Variants in STRIP1 observed in about 807,000 individuals in gnomAD.
STRIP1 encodes striatin interacting protein 1, also known as striatin-interacting protein 1.
In STRIP1, 63 loss-of-function variants were observed where a neutral mutation model predicts 106.2. The ratio of observed to expected loss-of-function variants is 0.59; its 90% CI spans 0.48 to 0.73. The LOEUF is 0.73. Ranked by LOEUF, STRIP1 falls within the 30% of genes least tolerant of loss-of-function variation. STRIP1 has a pLI of 0.00. For synonymous variants in STRIP1, 390 were observed against 413.0 expected, an observed-to-expected ratio of 0.94 and a Z score of 0.67; for missense variants, 857 against 1,074.8, an observed-to-expected ratio of 0.80 and a Z score of 2.83.
At chr1:110,037,834 G>A (rs781724034) in intron 1 of STRIP1, 57 bp from the exon 2 acceptor site, 2 of 1,233,710 alleles carry the variant, frequency 1.6e-6, no homozygotes, top group Non-Finnish European at 2.4e-6. Flanking sequence ...CGAAGCATGA[G>A]TTTCTTTGAT....
At chr1:110,041,432 T>C in intron 6 of STRIP1, 104 bp from the exon 7 acceptor site, 1 of 725,958 alleles carries the variant, frequency 1.4e-6, no homozygotes, top group Non-Finnish European at 2.4e-6. Context: ...CAGATACCAT[T>C]TATTAATAGT....
chr1:110,041,888 C>T (rs775657111), intron 8 of STRIP1, 27 bp downstream of exon 8: 8 of 1,611,560 alleles, frequency 5.0e-6, no homozygotes, highest in African/African-American at 2.7e-5. Flanking sequence ...AGGAGGAGAA[C>T]GGTGCTATGG....
In STRIP1 at chr1:110,050,316, G is replaced by A. The variant is rs201602689; in HGVS notation, c.1890-27G>A. On this transcript the variant is annotated intron_variant, in intron 17 of 20. Transcript: ENST00000369795. Reference sequence around the variant, plus strand: ...AGGCCCTGGGCCTTTGCTCATGGTGGGCATCTGGTTCCTCTCCCCTCTGCA... The same window carrying A: ...AGGCCCTGGGCCTTTGCTCATGGTGAGCATCTGGTTCCTCTCCCCTCTGCA... The A allele has an allele frequency of 8.3e-4, 1,342 of 1,612,902 alleles. 2 individuals carry two copies. The highest frequency in any genetic ancestry group is 1.0e-3 in the Non-Finnish European group (1,231 of 1,179,050).
intron 1 of STRIP1, 38 bp from the exon 2 acceptor site, chr1:110,037,853 T>A: frequency 1.4e-6 from 2 of 1,417,592 alleles, no homozygotes; most frequent in Non-Finnish European, 2.0e-6. Context: ...ATAAATAGAA[T>A]GATCCTTTTT....
At chr1:110,044,803 A>G (rs763342643) in intron 10 of STRIP1, 37 bp from the exon 11 acceptor site, 1 of 1,608,498 alleles carries the variant, frequency 6.2e-7, no homozygotes, top group Admixed American at 1.7e-5. Context: ...TTTGCTAAAA[A>G]CCTTTTTTCT....
At chr1:110,050,815 C>T (rs1193249913) in intron 18 of STRIP1, 141 bp from the exon 19 acceptor site, 4 of 636,868 alleles carry the variant, frequency 6.3e-6, no homozygotes, top group Non-Finnish European at 1.1e-5. Flanking sequence ...GGGATGGAGT[C>T]CTGGGGCTGC....
Position 110,051,704 on chromosome 1 carries a change from G to GC in STRIP1, c.2088dup (p.Ile697HisfsTer60). 6.2e-7 allele frequency: 1 copy of GC among 1,608,780 alleles called. No individual in the cohort carries two copies. The highest frequency in any genetic ancestry group is 8.5e-7 in the Non-Finnish European group (1 of 1,177,822). ...CCAGATGCTGGTGGTGTTCAAGTCA[G>GC]CCCCCATCTTGAAGCGGGCCCTAAA... is the stretch of plus-strand genomic sequence containing the variant. On this transcript the variant is annotated frameshift_variant, in exon 20 of 21. Transcript: ENST00000369795. LOFTEE classifies it high-confidence loss of function.
rs1038365303 is a variant in STRIP1, at chr1:110,050,853, G to A, written c.1957-103G>A. ...TGAGAGCAGGGGATTCCTGGTAGAG[G>A]CCTGGAGACCCGGCTGTCCTGAGAT... is the stretch of plus-strand genomic sequence containing the variant. On this transcript the variant is annotated intron_variant, in intron 18 of 20. Coordinates refer to ENST00000369795, the MANE Select transcript of STRIP1 (RefSeq NM_033088.4). The A allele has an allele frequency of 5.5e-5, 39 of 711,182 alleles. No individual in the cohort carries two copies. In the African/African-American group the frequency reaches 6.3e-4, roughly 11 times the overall value. 44.1% of individuals were successfully genotyped at this position (711,182 alleles called of 1,614,324 possible).
At chr1:110,041,708 T>C (rs1394260608) in intron 7 of STRIP1, 26 bp from the exon 8 acceptor site, 2 of 1,613,982 alleles carry the variant, frequency 1.2e-6, no homozygotes, top group East Asian at 2.2e-5. Flanking sequence ...TTTGGGAGGG[T>C]CCTGATACCT....
chr1:110,041,827 A>G lies in STRIP1; in HGVS notation c.851A>G (p.Lys284Arg). ...GGTCACGCCCCTCACTTTCCCATGA[A>G]GAAAGTTCTCTTGCTGCTCTGGAAG... ...CSGHAPHFPM[K>R]KVLLLLWKTV... Residue 284 changes from lysine to arginine, a missense_variant, in exon 8 of 21, where the codon AAG becomes AGG. Lys to Arg is a conservative substitution (Grantham distance 26). This residue lies in a region of STRIP1 where 750 missense variants were observed against 989.8 expected (regional missense o/e 0.76). Coordinates refer to ENST00000369795, the MANE Select transcript of STRIP1 (RefSeq NM_033088.4). 6.2e-7 allele frequency: 1 copy of G among 1,614,192 alleles called. No homozygotes were observed. Among genetic ancestry groups the G allele is most frequent in the Non-Finnish European group, 8.5e-7 (1 of 1,180,038 alleles).
chr1:110,040,833 C>T (rs1652725613), intron 6 of STRIP1, 130 bp downstream of exon 6: 1 of 747,284 alleles, frequency 1.3e-6, no homozygotes, highest in Non-Finnish European at 2.1e-6. Flanking sequence ...GTGTGATGGG[C>T]TCAGTGTGAA....
chr1:110,039,170 A>T lies in STRIP1; in HGVS notation c.326-2A>T, dbSNP rs770098308. The stretch of plus-strand genomic sequence containing the variant: ...AGGTGTAACTGGTTTCTTGCCCTGC[A>T]GTGACAGACAAGAAGTGGACTGAGC... On this transcript the variant is annotated splice_acceptor_variant, in intron 3 of 20. Coordinates refer to ENST00000369795, the MANE Select transcript of STRIP1 (RefSeq NM_033088.4). LOFTEE classifies it high-confidence loss of function. 15 of 1,614,070 alleles carry T rather than the reference A, an allele frequency of 9.3e-6. No homozygotes were observed. In the South Asian group the frequency reaches 1.6e-4, roughly 18 times the overall value.
Position 110,039,246 on chromosome 1 carries a change from G to A in STRIP1, c.400G>A (p.Glu134Lys). 1 of 1,614,244 alleles carries A rather than the reference G, an allele frequency of 6.2e-7. No individual in the cohort carries two copies. Among genetic ancestry groups the A allele is most frequent in the Non-Finnish European group, 8.5e-7 (1 of 1,180,044 alleles). The part of the protein sequence containing the change: ...THAMRLLDGL[E>K]VTAREKRLKV... ...TGCCATGAGGCTCCTGGATGGCTTG[G>A]AAGTCACTGCCAGGGAGAAGAGACT... The change falls in exon 4 of 21, where the codon GAA (glutamate) becomes AAA (lysine). Residue 134 changes from glutamate to lysine, a missense_variant. This residue lies in a region of STRIP1 where 750 missense variants were observed against 989.8 expected (regional missense o/e 0.76). Coordinates refer to ENST00000369795, the MANE Select transcript of STRIP1 (RefSeq NM_033088.4).
At chr1:110,036,420 C>T (rs1316682036) in intron 1 of STRIP1, among the ~76,000 whole-genome samples, 2 of 152,134 alleles carry the variant, frequency 1.3e-5, no homozygotes, top group Non-Finnish European at 2.9e-5. Flanking sequence ...CACCATTGCA[C>T]TCCAGCCTGG....
intron 1 of STRIP1, among the ~76,000 whole-genome samples, chr1:110,036,971 G>A (rs1043799270): frequency 4.6e-5 from 7 of 151,946 alleles, no homozygotes; most frequent in Admixed American, 2.0e-4. Context: ...CTACAGGCAC[G>A]CCCCACCATG....
At chr1:110,048,919 A>G (rs191703119) in intron 15 of STRIP1, among the ~76,000 whole-genome samples, 193 bp from the exon 16 acceptor site, 6 of 152,298 alleles carry the variant, frequency 3.9e-5, no homozygotes, top group Admixed American at 3.9e-4. Context: ...ATGGGGAAGA[A>G]ATAAATTGTG....
At position 110,051,002 on chromosome 1, in the gene STRIP1, G is replaced by T. The variant is rs778472173; in HGVS notation, c.2003G>T (p.Cys668Phe). The T allele has an allele frequency of 1.9e-6, 3 of 1,614,088 alleles. 1 individual carries two copies. The South Asian group carries it at 3.3e-5, about 18-fold the overall frequency. The change falls in exon 19 of 21, where the codon TGT becomes TTT. Residue 668 changes from cysteine to phenylalanine, a missense_variant. Around this residue, in one of 2 missense-constraint regions of STRIP1, gnomAD observed 750 missense variants for 989.8 expected, o/e 0.76. Coordinates refer to ENST00000369795, the MANE Select transcript of STRIP1 (RefSeq NM_033088.4). ...NQFCWRNLFS[C>F]INLLRILNKL... ...TTTTGCTGGAGGAACCTCTTTTCTT[G>T]TATCAATCTGCTTCGGATCTTGAAC...
At chr1:110,036,807 G>A (rs938474276) in intron 1 of STRIP1, among the ~76,000 whole-genome samples, 2 of 152,074 alleles carry the variant, frequency 1.3e-5, no homozygotes, top group Admixed American at 1.3e-4. Flanking sequence ...GTTCTTGTTT[G>A]TGGGTATGTT....
Position 110,046,734 on chromosome 1 carries a change from C to T in STRIP1, c.1471C>T (p.Arg491Cys), listed in dbSNP as rs756888470. The T allele has an allele frequency of 5.5e-5, 89 of 1,612,678 alleles. 1 individual carries two copies. The highest frequency in any genetic ancestry group is 1.6e-4 in the Middle Eastern group (1 of 6,072). The change falls in exon 13 of 21, where the codon CGC becomes TGC. Residue 491 changes from arginine (R) to cysteine (C), a missense_variant. Physicochemically the swap from Arg to Cys is radical, Grantham distance 180. Transcript: ENST00000369795. ...VQAQMEEEYL[R>C]SPLSGGEEEV... ...GGCACAGATGGAGGAGGAATACCTC[C>T]GCTCCCCTCTCTCAGGGGTAAGTTG...
Sources: gnomAD v4.1 joint callset for allele counts (sites outside exome capture counted in the v4.1 genomes callset) on GRCh38, gnomAD v4.1.1 for gene constraint, gnomAD v4.1.1 regional missense constraint, MANE v1.5 for transcripts, NCBI Gene and HGNC (gene_info 2026-07-23, HGNC 2026-07-21) for gene names.